The following NPAS3 variants were observed in gnomAD, a reference collection of about 807,000 sequenced individuals.
The protein encoded by NPAS3 is neuronal PAS domain-containing protein 3.
In NPAS3, 14 loss-of-function variants were observed where a neutral mutation model predicts 73.1. The observed-to-expected ratio is 0.19, with a 90% confidence interval of 0.13 to 0.30. The LOEUF (loss-of-function observed/expected upper bound fraction) is 0.30, where lower values mean the gene tolerates loss of function less well. Ranked by LOEUF, NPAS3 falls within the 10% of genes least tolerant of loss-of-function variation. The pLI, the probability that NPAS3 is intolerant of heterozygous loss-of-function variation, is 1.00. For missense variants in NPAS3, 1,096 were observed against 1,250.0 expected, an observed-to-expected ratio of 0.88 and a Z score of 1.86; for synonymous variants, 620 against 541.5, an observed-to-expected ratio of 1.14 and a Z score of -2.01.
intron 4 of NPAS3, among the ~76,000 whole-genome samples, chr14:33,502,376 C>T (rs866690225): frequency 1.3e-5 from 2 of 151,826 alleles, no homozygotes; most frequent in Admixed American, 6.6e-5. Context: ...CATCTAGCTT[C>T]TTACCCATCA....
At chr14:33,130,180 C>T (rs2043582296) in intron 2 of NPAS3, among the ~76,000 whole-genome samples, 1 of 152,098 alleles carries the variant, frequency 6.6e-6, no homozygotes, top group Admixed American at 6.6e-5. Context: ...TACGGCAGAC[C>T]ATAATGGAGG....
intron 7 of NPAS3, among the ~76,000 whole-genome samples, chr14:33,751,949 G>C (rs554055890): frequency 2.8e-4 from 43 of 152,030 alleles, no homozygotes; most frequent in Non-Finnish European, 5.4e-4. Flanking sequence ...TCAAAGTTAT[G>C]TGTTTTTTAA....
intron 2 of NPAS3, among the ~76,000 whole-genome samples, chr14:33,108,195 A>T (rs1595463136): frequency 7.1e-6 from 1 of 140,412 alleles, no homozygotes; most frequent in South Asian, 2.2e-4. Context: ...TATTGTTCTG[A>T]TTTTTTTTTT....
intron 7 of NPAS3, among the ~76,000 whole-genome samples, chr14:33,768,088 C>T (rs2062523984): frequency 6.6e-6 from 1 of 152,194 alleles, no homozygotes; most frequent in Admixed American, 6.5e-5. Flanking sequence ...GATTTCCTCA[C>T]TATGGGATGA....
intron 4 of NPAS3, among the ~76,000 whole-genome samples, chr14:33,421,323 T>C (rs1160784154): frequency 6.6e-6 from 1 of 151,884 alleles, no homozygotes; most frequent in African/African-American, 2.4e-5. Flanking sequence ...ATCACATTCA[T>C]AGAATATCCT....
chr14:33,534,832 T>C (rs1337420802), intron 4 of NPAS3, among the ~76,000 whole-genome samples: 4 of 152,098 alleles, frequency 2.6e-5, no homozygotes, highest in Non-Finnish European at 5.9e-5. Context: ...GCAGTGACTC[T>C]TGGGGCACAG....
At chr14:33,442,229 GTTTA>G (rs1165811455) in intron 4 of NPAS3, among the ~76,000 whole-genome samples, 3 of 152,026 alleles carry the variant, frequency 2.0e-5, no homozygotes, top group Non-Finnish European at 1.5e-5. Context: ...CCACTTCACT[GTTTA>G]TTTGTCTAAC....
chr14:33,704,378 C>A (rs369161677), intron 6 of NPAS3, among the ~76,000 whole-genome samples: 2 of 152,064 alleles, frequency 1.3e-5, no homozygotes, highest in Non-Finnish European at 2.9e-5. Flanking sequence ...TGGGATTAAC[C>A]AAGTACATCA....
intron 3 of NPAS3, among the ~76,000 whole-genome samples, chr14:33,219,900 G>A (rs1408213487): frequency 6.6e-6 from 1 of 152,116 alleles, no homozygotes; most frequent in East Asian, 1.9e-4. Flanking sequence ...CTTGGTCTAA[G>A]CAGTTCAGGG....
chr14:33,189,068 T>A (rs536464797), intron 2 of NPAS3, among the ~76,000 whole-genome samples: 17 of 152,314 alleles, frequency 1.1e-4, no homozygotes, highest in African/African-American at 7.2e-5. Flanking sequence ...TGCACAATAA[T>A]GAATTTATCG....
intron 3 of NPAS3, among the ~76,000 whole-genome samples, chr14:33,324,423 C>T (rs574058294): frequency 6.6e-6 from 1 of 152,274 alleles, no homozygotes; most frequent in South Asian, 2.1e-4. Flanking sequence ...ATTGACTTTT[C>T]AGCACTAGTA....
intron 1 of NPAS3, among the ~76,000 whole-genome samples, chr14:32,985,945 C>T (rs1214009576): frequency 6.6e-6 from 1 of 152,204 alleles, no homozygotes; most frequent in Non-Finnish European, 1.5e-5. Context: ...TCATAATTGA[C>T]ATGGCTTCCC....
intron 4 of NPAS3, among the ~76,000 whole-genome samples, chr14:33,466,409 A>G (rs976735423): frequency 6.6e-6 from 1 of 152,218 alleles, no homozygotes; most frequent in Non-Finnish European, 1.5e-5. Flanking sequence ...TAATGGAAGT[A>G]GCCATCACCA....
At chr14:33,722,362 G>A (rs373407813) in intron 6 of NPAS3, among the ~76,000 whole-genome samples, 3 of 152,236 alleles carry the variant, frequency 2.0e-5, no homozygotes, top group South Asian at 2.1e-4. Flanking sequence ...TTAAGGAAAG[G>A]GGGGGTAATT....
chr14:33,156,493 C>T (rs1452446246), intron 2 of NPAS3, among the ~76,000 whole-genome samples: 4 of 152,090 alleles, frequency 2.6e-5, no homozygotes, highest in African/African-American at 7.2e-5. Flanking sequence ...ATATTCTCTT[C>T]GAACACCTCC....
At chr14:33,130,943 C>T in intron 2 of NPAS3, among the ~76,000 whole-genome samples, 1 of 152,110 alleles carries the variant, frequency 6.6e-6, no homozygotes, top group South Asian at 2.1e-4. Context: ...CTTTCACTTC[C>T]AGAAGGGACA....
At chr14:33,198,898 C>G (rs915766061) in intron 2 of NPAS3, among the ~76,000 whole-genome samples, 1 of 152,180 alleles carries the variant, frequency 6.6e-6, no homozygotes, top group East Asian at 1.9e-4. Flanking sequence ...GTGGCTGAGG[C>G]CAGGCAAGAA....
chr14:33,020,803 C>T (rs968549164), intron 1 of NPAS3, among the ~76,000 whole-genome samples: 2 of 152,052 alleles, frequency 1.3e-5, no homozygotes, highest in Non-Finnish European at 2.9e-5. Context: ...TCTTGTGGCC[C>T]AGGCTGGAGT....
intron 4 of NPAS3, among the ~76,000 whole-genome samples, chr14:33,429,097 G>T (rs1594891164): frequency 1.3e-5 from 2 of 152,252 alleles, no homozygotes; most frequent in African/African-American, 2.4e-5. Context: ...TAGTATATTT[G>T]TAAGGATGTC....
Sources: allele counts gnomAD v4.1 joint callset (sites outside exome capture counted in the v4.1 genomes callset), GRCh38; gene constraint gnomAD v4.1.1; transcripts MANE v1.5; gene names NCBI Gene and HGNC (gene_info 2026-07-23, HGNC 2026-07-21).